Variants in DIAPH2 observed in about 807,000 individuals in gnomAD.
DIAPH2 encodes protein diaphanous homolog 2.
A neutral mutation model predicts 92.7 loss-of-function variants in DIAPH2; 35 were observed. The ratio of observed to expected loss-of-function variants is 0.38; its 90% CI spans 0.29 to 0.50. The LOEUF (loss-of-function observed/expected upper bound fraction) is 0.50, where lower values mean the gene tolerates loss of function less well. Ranked by LOEUF, DIAPH2 falls within the 20% of genes least tolerant of loss-of-function variation. The pLI is 0.94. For synonymous variants in DIAPH2, 301 were observed against 280.4 expected, an observed-to-expected ratio of 1.07 and a Z score of -0.73; for missense variants, 701 against 819.5, an observed-to-expected ratio of 0.86 and a Z score of 1.77.
intron 24 of DIAPH2, among the ~76,000 whole-genome samples, chrX:97,373,817 G>T (rs1248734600): frequency 9.1e-6 from 1 of 109,376 alleles, no homozygotes; most frequent in African/African-American, 3.3e-5. Context: ...TGTTGGTCAG[G>T]TTTCAAACCC....
chrX:97,185,502 T>TATACAC (rs2067595351), intron 22 of DIAPH2, among the ~76,000 whole-genome samples: 1 of 59,443 alleles, frequency 1.7e-5, no homozygotes, highest in Non-Finnish European at 3.0e-5. Flanking sequence ...TATATATATA[T>TATACAC]ATATATATAT....
At chrX:97,319,498 C>T (rs1220137899) in intron 23 of DIAPH2, among the ~76,000 whole-genome samples, 1 of 109,769 alleles carries the variant, frequency 9.1e-6, no homozygotes. Context: ...ATGCCATTCT[C>T]CCCTCAGCCT....
intron 4 of DIAPH2, among the ~76,000 whole-genome samples, chrX:96,863,598 G>A (rs1383190633): frequency 9.1e-6 from 1 of 109,859 alleles, no homozygotes; most frequent in East Asian, 2.9e-4. Context: ...AAATCATTCT[G>A]TACCTAGAGT....
intron 23 of DIAPH2, among the ~76,000 whole-genome samples, chrX:97,300,823 T>A (rs1242482503): frequency 1.0e-5 from 1 of 98,134 alleles, no homozygotes; most frequent in African/African-American, 3.7e-5. Flanking sequence ...TCCCAGCTAC[T>A]TGGGAGGCTG....
intron 10 of DIAPH2, among the ~76,000 whole-genome samples, chrX:96,933,451 T>A (rs946805546): frequency 9.3e-5 from 10 of 107,098 alleles, no homozygotes; most frequent in African/African-American, 3.4e-4. Context: ...CACTGCAGCC[T>A]CTCAAGTAGC....
intron 1 of DIAPH2, among the ~76,000 whole-genome samples, chrX:96,689,856 G>A (rs2063790001): frequency 9.0e-6 from 1 of 111,317 alleles, no homozygotes; most frequent in Admixed American, 9.6e-5. Context: ...AACCTGGCAG[G>A]CCGGTGCTTG....
intron 4 of DIAPH2, among the ~76,000 whole-genome samples, chrX:96,781,409 G>A (rs1429933982): frequency 2.7e-5 from 3 of 111,294 alleles, no homozygotes; most frequent in Non-Finnish European, 5.7e-5. Context: ...CTCCATACTC[G>A]TGGAATATTA....
chrX:97,106,730 G>A (rs1279521403), intron 20 of DIAPH2, among the ~76,000 whole-genome samples: 2 of 110,476 alleles, frequency 1.8e-5, no homozygotes, highest in Admixed American at 9.6e-5. Flanking sequence ...TCAGGAGTTC[G>A]AGACCAGCCT....
At position 97,268,436 on chromosome X, in the gene DIAPH2, A is replaced by T. The variant is rs761268839; in HGVS notation, c.2844+20597A>T. Among the ~76,000 whole-genome samples the T allele has an allele frequency of 6.2e-5, 7 of 112,836 alleles. No homozygotes were observed. The East Asian group carries it at 1.7e-3, about 27-fold the overall frequency. On this transcript the variant is annotated intron_variant, in intron 23 of 26. Coordinates refer to ENST00000324765, the MANE Select transcript of DIAPH2 (RefSeq NM_006729.5). ...GACTTGTGTCATCACACATCATTTC[A>T]CATTTACTGTGCTATGGTGATATAT...
chrX:97,029,197 G>A (rs1457320194), intron 17 of DIAPH2, among the ~76,000 whole-genome samples: 2 of 104,938 alleles, frequency 1.9e-5, no homozygotes, highest in Non-Finnish European at 3.9e-5. Context: ...ACCCAGGCTG[G>A]AGTGCAGTGG....
At chrX:97,597,359 T>C (rs1426119543) in intron 26 of DIAPH2, among the ~76,000 whole-genome samples, 1 of 112,487 alleles carries the variant, frequency 8.9e-6, no homozygotes, top group Non-Finnish European at 1.9e-5. Flanking sequence ...TCACACCAGA[T>C]GACACCAGTA....
At chrX:96,948,160 T>C (rs1397533456) in intron 14 of DIAPH2, among the ~76,000 whole-genome samples, 1 of 112,779 alleles carries the variant, frequency 8.9e-6, no homozygotes, top group African/African-American at 3.2e-5. Flanking sequence ...TTTGTATTAA[T>C]ATACGTACAT....
At chrX:97,005,362 T>C (rs12394304) in intron 17 of DIAPH2, among the ~76,000 whole-genome samples, 2 of 107,796 alleles carry the variant, frequency 1.9e-5, no homozygotes, top group Admixed American at 1.0e-4. Flanking sequence ...ATTTTGAGTA[T>C]GATTGGTATG....
intron 22 of DIAPH2, among the ~76,000 whole-genome samples, chrX:97,222,681 TG>T (rs1457028290): frequency 8.9e-6 from 1 of 112,510 alleles, no homozygotes; most frequent in Non-Finnish European, 1.9e-5. Context: ...GTGACATAAT[TG>T]TTAAAGGAAG....
intron 5 of DIAPH2, among the ~76,000 whole-genome samples, chrX:96,899,853 T>C (rs769930409): frequency 3.6e-5 from 4 of 111,053 alleles, no homozygotes; most frequent in Admixed American, 2.9e-4. Flanking sequence ...AGTATGATAT[T>C]GGCTGTGGGT....
At chrX:96,948,006 A>T (rs1298320338) in intron 14 of DIAPH2, among the ~76,000 whole-genome samples, 1 of 111,479 alleles carries the variant, frequency 9.0e-6, no homozygotes, top group Non-Finnish European at 1.9e-5. Context: ...TTTAACCTCT[A>T]GTTTTTCCTC....
intron 22 of DIAPH2, among the ~76,000 whole-genome samples, chrX:97,205,261 A>G (rs2067786951): frequency 8.9e-6 from 1 of 112,236 alleles, no homozygotes; most frequent in South Asian, 3.7e-4. Flanking sequence ...GGACATAGGC[A>G]TGGGCAAAGA....
At chrX:96,969,240 A>T (rs1185874604) in intron 17 of DIAPH2, among the ~76,000 whole-genome samples, 1 of 111,100 alleles carries the variant, frequency 9.0e-6, no homozygotes, top group African/African-American at 3.3e-5. Context: ...ATTTTAGAAT[A>T]GTTTTTTTTT....
At chrX:97,479,874 T>C (rs758967634) in intron 26 of DIAPH2, among the ~76,000 whole-genome samples, 1 of 110,929 alleles carries the variant, frequency 9.0e-6, no homozygotes, top group East Asian at 2.8e-4. Context: ...GATTAGAAAT[T>C]AGACATCCCA....
Sources: gnomAD v4.1 joint callset for allele counts (sites outside exome capture counted in the v4.1 genomes callset) on GRCh38, gnomAD v4.1.1 for gene constraint, MANE v1.5 for transcripts, NCBI Gene and HGNC (gene_info 2026-07-23, HGNC 2026-07-21) for gene names.